The following RFTN1 variants were observed in gnomAD, a reference collection of about 807,000 sequenced individuals.
The protein encoded by RFTN1 is raftlin, lipid raft linker 1.
Under a neutral mutation model 46.5 loss-of-function variants are expected in RFTN1, and 26 were observed. The ratio of observed to expected loss-of-function variants is 0.56; its 90% confidence interval spans 0.41 to 0.78. The LOEUF is 0.78. RFTN1 is among the 30% of genes least tolerant of loss of function. The pLI, the probability that RFTN1 is intolerant of heterozygous loss-of-function variation, is 0.00. For missense variants in RFTN1, 693 were observed against 718.7 expected (o/e 0.96, Z 0.41); for synonymous variants, 261 against 284.2 (o/e 0.92, Z 0.82).
Position 16,504,128 on chromosome 3 carries a change from TAA to T in RFTN1, c.-9+9312_-9+9313del, listed in dbSNP as rs35485402. ...CATTTTTTAATGGCATGCCCTAGAC[TAA>T]AAAAAAAATACCCAATAGTTCGTTT... is the stretch of plus-strand genomic sequence containing the variant. On this transcript the variant is annotated intron_variant, in intron 1 of 9. Coordinates refer to ENST00000334133, the MANE Select transcript of RFTN1 (RefSeq NM_015150.2). This position sits in a 1 kb window ranked among gnomAD's most constrained non-coding sequence, Gnocchi z 4.4. 6.7e-6 allele frequency among the ~76,000 whole-genome samples: 1 copy of T among 149,948 alleles called. No individual in the cohort carries two copies. The highest frequency in any genetic ancestry group is 2.4e-5 in the African/African-American group (1 of 40,832).
Position 16,473,633 on chromosome 3 carries a change from C to G in RFTN1, c.145+20092G>C, listed in dbSNP as rs1202701081. 6.6e-6 allele frequency among the ~76,000 whole-genome samples: 1 copy of G among 152,094 alleles called. No individual in the cohort carries two copies. Among genetic ancestry groups the G allele is most frequent in the East Asian group, 1.9e-4 (1 of 5,196 alleles). On this transcript the variant is annotated intron_variant, in intron 2 of 9. Coordinates refer to ENST00000334133, the MANE Select transcript of RFTN1 (RefSeq NM_015150.2). This position sits in a 1 kb window ranked among gnomAD's most constrained non-coding sequence, Gnocchi z 5.3. ...TGTTGCCCAGGCTGGTCTGGAACTCCTGAGCTCAGGCAATCCACCCGCCTT... is the reference window on the plus strand; with the variant it reads ...TGTTGCCCAGGCTGGTCTGGAACTCGTGAGCTCAGGCAATCCACCCGCCTT...
intron 2 of RFTN1, among the ~76,000 whole-genome samples, chr3:16,464,478 C>T (rs2076057514): frequency 6.6e-6 from 1 of 152,068 alleles, no homozygotes. Flanking sequence ...CATTAGTTTG[C>T]CTCAAACTAC....
Position 16,348,109 on chromosome 3 carries a change from AC to A in RFTN1, c.1146+9822del, listed in dbSNP as rs1345021391. ...ATACACCCACACTCCTCTGTCATCG[AC>A]GAGGACCACCTCGGAGCACTTGTGG... On this transcript the variant is annotated intron_variant, in intron 7 of 9. Coordinates refer to ENST00000334133, the MANE Select transcript of RFTN1 (RefSeq NM_015150.2). The surrounding 1 kb of genome is among the most constrained non-coding windows in gnomAD (Gnocchi z 6.3). The A allele has an allele frequency of 6.6e-6, 1 of 151,814 alleles. No homozygotes were observed. Among genetic ancestry groups the A allele is most frequent in the East Asian group, 1.9e-4 (1 of 5,192 alleles). 9.4% of individuals were successfully genotyped at this position (151,814 alleles called of 1,614,324 possible).
At position 16,409,367 on chromosome 3, in the gene RFTN1, G is replaced by A. The variant is rs1158409539; in HGVS notation, c.441+8C>T. The A allele has an allele frequency of 6.3e-7, 1 of 1,584,018 alleles. No homozygotes were observed. Among genetic ancestry groups the A allele is most frequent in the Non-Finnish European group, 8.7e-7 (1 of 1,152,808 alleles). ...CCTCTTCAATGGTACCCTGACTGTAGCGCTCACCTTCTTAATGAACTCTGG... is the reference window on the plus strand; with the variant it reads ...CCTCTTCAATGGTACCCTGACTGTAACGCTCACCTTCTTAATGAACTCTGG... On this transcript the variant is annotated splice_region_variant and intron_variant, in intron 4 of 9. Coordinates refer to ENST00000334133, the MANE Select transcript of RFTN1 (RefSeq NM_015150.2).
chr3:16,416,823 A>T (rs2075089906), intron 3 of RFTN1, among the ~76,000 whole-genome samples: 1 of 152,028 alleles, frequency 6.6e-6, no homozygotes. Context: ...GGTCAGAAAA[A>T]CTCAAAACTA....
In RFTN1 at chr3:16,385,727, G is replaced by C. The variant is rs1306276699; in HGVS notation, c.442-7625C>G. ...CTGACCAGGAGGGCACAGTCAAAGA[G>C]TCAACACGCTGGAGTAGTCAGGAGT... is the stretch of plus-strand genomic sequence containing the variant. On this transcript the variant is annotated intron_variant, in intron 4 of 9. Coordinates refer to ENST00000334133, the MANE Select transcript of RFTN1 (RefSeq NM_015150.2). The surrounding 1 kb of genome is among the most constrained non-coding windows in gnomAD (Gnocchi z 5.0). 1.3e-5 allele frequency among the ~76,000 whole-genome samples: 2 copies of C among 152,184 alleles called. No individual in the cohort carries two copies. The highest frequency in any genetic ancestry group is 2.9e-5 in the Non-Finnish European group (2 of 68,046).
At chr3:16,435,276 G>T (rs2075480814) in intron 2 of RFTN1, among the ~76,000 whole-genome samples, 1 of 152,130 alleles carries the variant, frequency 6.6e-6, no homozygotes. Context: ...TCAATTAACA[G>T]TATACTTTTC....
intron 7 of RFTN1, among the ~76,000 whole-genome samples, chr3:16,357,703 A>G (rs2072542824): frequency 6.6e-6 from 1 of 152,210 alleles, no homozygotes; most frequent in Non-Finnish European, 1.5e-5. Context: ...ATGGCCAGGC[A>G]CATGCAATGT....
chr3:16,417,376 T>C (rs17200320), intron 3 of RFTN1, among the ~76,000 whole-genome samples: 29,948 of 151,998 alleles, frequency 0.2, 3,456 homozygotes, highest in Admixed American at 0.27. Flanking sequence ...CAAAACTGAA[T>C]GTGAACAAGT....
rs2074873639 is a variant in RFTN1, at chr3:16,407,010, G to A, written c.441+2365C>T. On this transcript the variant is annotated intron_variant, in intron 4 of 9. Coordinates refer to ENST00000334133, the MANE Select transcript of RFTN1 (RefSeq NM_015150.2). The surrounding 1 kb of genome is among the most constrained non-coding windows in gnomAD (Gnocchi z 4.0). Reference sequence around the variant, plus strand: ...AGGGCATAAAAACCCTAACTTTGAGGGCCTTTCCCACTGGACAGATGGACA... The same window carrying A: ...AGGGCATAAAAACCCTAACTTTGAGAGCCTTTCCCACTGGACAGATGGACA... Among the ~76,000 whole-genome samples the A allele has an allele frequency of 6.6e-6, 1 of 152,106 alleles. No individual in the cohort carries two copies. The highest frequency in any genetic ancestry group is 6.5e-5 in the Admixed American group (1 of 15,276).
At chr3:16,464,325 C>T (rs185512399) in intron 2 of RFTN1, among the ~76,000 whole-genome samples, 229 of 152,296 alleles carry the variant, frequency 1.5e-3, no homozygotes, top group African/African-American at 5.3e-3. Flanking sequence ...AATAAAGTAG[C>T]TACAGATCGT....
At chr3:16,420,537 T>C (rs1456552858) in intron 3 of RFTN1, among the ~76,000 whole-genome samples, 1 of 152,228 alleles carries the variant, frequency 6.6e-6, no homozygotes, top group Non-Finnish European at 1.5e-5. Flanking sequence ...GTGCATTGAA[T>C]GCACATGTTC....
At position 16,345,373 on chromosome 3, in the gene RFTN1, C is replaced by G. The variant is rs1375960350; in HGVS notation, c.1146+12559G>C. The G allele has an allele frequency of 2.6e-5, 4 of 151,890 alleles. No individual in the cohort carries two copies. Among genetic ancestry groups the G allele is most frequent in the Non-Finnish European group, 5.9e-5 (4 of 68,022 alleles). The allele number at this position is 151,890 out of a possible 1,614,324, so 9.4% of individuals were successfully genotyped here. ...TTGGGAAAACCTAAAGATATAGCCC[C>G]TGTTATCACATTGAGCCCTTAACTT... On this transcript the variant is annotated intron_variant, in intron 7 of 9. Transcript: ENST00000334133. This position sits in a 1 kb window ranked among gnomAD's most constrained non-coding sequence, Gnocchi z 5.2.
intron 4 of RFTN1, among the ~76,000 whole-genome samples, chr3:16,391,882 G>GTTTT (rs1295347779): frequency 1.7e-4 from 4 of 23,444 alleles, no homozygotes; most frequent in African/African-American, 3.2e-4. Flanking sequence ...TTTTTTTTTT[G>GTTTT]TTTTTTTTTT....
At chr3:16,435,566 G>A (rs150530356) in intron 2 of RFTN1, among the ~76,000 whole-genome samples, 5 of 152,136 alleles carry the variant, frequency 3.3e-5, no homozygotes, top group East Asian at 3.9e-4. Flanking sequence ...GCTAAACTCC[G>A]TCTCAAAAAG....
chr3:16,498,457 C>T lies in RFTN1; in HGVS notation c.-8-4580G>A, dbSNP rs138977893. On this transcript the variant is annotated intron_variant, in intron 1 of 9. Coordinates refer to ENST00000334133, the MANE Select transcript of RFTN1 (RefSeq NM_015150.2). The surrounding 1 kb of genome is among the most constrained non-coding windows in gnomAD (Gnocchi z 5.2). ...TGCCCAATTTATGAAGTTTTCTTTG[C>T]TCATTCAAACTCTGTTAAATTTAAT... Among the ~76,000 whole-genome samples the T allele has an allele frequency of 1.2e-3, 185 of 152,300 alleles. 3 individuals are homozygous for T. Among genetic ancestry groups the T allele is most frequent in the African/African-American group, 3.7e-3 (154 of 41,558 alleles).
In RFTN1 at chr3:16,465,477, T is replaced by G. The variant is rs2076075276; in HGVS notation, c.145+28248A>C. On this transcript the variant is annotated intron_variant, in intron 2 of 9. Coordinates refer to ENST00000334133, the MANE Select transcript of RFTN1 (RefSeq NM_015150.2). The surrounding 1 kb of genome is among the most constrained non-coding windows in gnomAD (Gnocchi z 5.1). ...ACACCCCATGCCTGATTAAACAAAA[T>G]AATTTTTAAAAATCCAAAATCCAAT... Among the ~76,000 whole-genome samples, 1 of 149,804 alleles carries G rather than the reference T, an allele frequency of 6.7e-6. No individual in the cohort carries two copies. Among genetic ancestry groups the G allele is most frequent in the East Asian group, 2.0e-4 (1 of 5,102 alleles).
At chr3:16,372,947 G>GC (rs2073585602) in intron 5 of RFTN1, among the ~76,000 whole-genome samples, 1 of 152,196 alleles carries the variant, frequency 6.6e-6, no homozygotes, top group African/African-American at 2.4e-5. Context: ...ACGCTCCTCT[G>GC]CCCCATCATC....
At position 16,442,831 on chromosome 3, in the gene RFTN1, T is replaced by G. The variant is rs1219268069; in HGVS notation, c.146-8794A>C. ...TGCACATATATGCAAGATTACGTAG[T>G]ATTTTTCCTTCTGTGTCTGGCTTAT... On this transcript the variant is annotated intron_variant, in intron 2 of 9. Transcript: ENST00000334133. The surrounding 1 kb of genome is among the most constrained non-coding windows in gnomAD (Gnocchi z 4.1). 6.6e-6 allele frequency among the ~76,000 whole-genome samples: 1 copy of G among 152,248 alleles called. No homozygotes were observed. Among genetic ancestry groups the G allele is most frequent in the African/African-American group, 2.4e-5 (1 of 41,470 alleles).
Sources: gnomAD v4.1 joint callset for allele counts (sites outside exome capture counted in the v4.1 genomes callset) on GRCh38, gnomAD v4.1.1 for gene constraint, Gnocchi (gnomAD v3.1) non-coding constraint, MANE v1.5 for transcripts, NCBI Gene and HGNC (gene_info 2026-07-23, HGNC 2026-07-21) for gene names.